Variants in LRBA observed in about 807,000 individuals in gnomAD.
The protein encoded by LRBA is lipopolysaccharide-responsive and beige-like anchor protein.
In LRBA, 176 loss-of-function variants were observed where a neutral mutation model predicts 330.0. That is an observed-to-expected ratio of 0.53 (90% CI 0.47 to 0.60). The LOEUF is 0.60. Ranked by LOEUF, LRBA falls within the 20% of genes least tolerant of loss-of-function variation. LRBA has a pLI of 0.00. For missense variants in LRBA, 3,259 were observed against 3,444.8 expected, an observed-to-expected ratio of 0.95 and a Z score of 1.35; for synonymous variants, 1,230 against 1,193.0, an observed-to-expected ratio of 1.03 and a Z score of -0.64.
At chr4:150,560,360 A>G (rs1001563270) in intron 40 of LRBA, among the ~76,000 whole-genome samples, 3 of 152,122 alleles carry the variant, frequency 2.0e-5, no homozygotes, top group African/African-American at 7.2e-5. Flanking sequence ...TAAATGTGAT[A>G]AGCATGTGAT....
chr4:150,458,244 GT>G (rs1754329875), intron 44 of LRBA, among the ~76,000 whole-genome samples: 1 of 151,806 alleles, frequency 6.6e-6, no homozygotes, highest in Middle Eastern at 3.2e-3. Context: ...GACTAATTCT[GT>G]TTTAAAAGCA....
intron 35 of LRBA, among the ~76,000 whole-genome samples, chr4:150,746,885 A>G (rs1732809071): frequency 6.6e-6 from 1 of 152,096 alleles, no homozygotes; most frequent in African/African-American, 2.4e-5. Context: ...CATGTCTTTG[A>G]TTATGATAAT....
chr4:150,394,061 T>A (rs766879469), intron 47 of LRBA, among the ~76,000 whole-genome samples: 5 of 152,226 alleles, frequency 3.3e-5, no homozygotes, highest in Non-Finnish European at 7.3e-5. Flanking sequence ...CATTATTTTA[T>A]GTTACCACAG....
At position 150,578,690 on chromosome 4, in the gene LRBA, A is replaced by G. The variant is rs187424685; in HGVS notation, c.6330+9358T>C. ...ACATCCTCATATTTTAGTTTATAGT[A>G]ACTAAAAACATGCCCACTTCAGTAC... is the stretch of plus-strand genomic sequence containing the variant. On this transcript the variant is annotated intron_variant, in intron 40 of 56. Coordinates refer to ENST00000651943, the MANE Select transcript of LRBA (RefSeq NM_001364905.1). Among the ~76,000 whole-genome samples the G allele has an allele frequency of 1.2e-3, 177 of 152,352 alleles. 3 individuals are homozygous for G. Among genetic ancestry groups the G allele is most frequent in the African/African-American group, 3.9e-3 (161 of 41,588 alleles).
chr4:150,306,640 A>G (rs1730393335), intron 52 of LRBA, among the ~76,000 whole-genome samples: 1 of 111,578 alleles, frequency 9.0e-6, no homozygotes, highest in Non-Finnish European at 1.9e-5. Flanking sequence ...ATACACACAA[A>G]CACACACATT....
intron 26 of LRBA, 91 bp from the exon 27 acceptor site, chr4:150,844,870 C>T (rs1749626496): frequency 4.8e-6 from 5 of 1,047,860 alleles, no homozygotes; most frequent in Non-Finnish European, 2.8e-6. Context: ...ATATGATTTA[C>T]ATAAGATTTT....
intron 2 of LRBA, among the ~76,000 whole-genome samples, chr4:150,963,328 G>A (rs1282997767): frequency 1.3e-5 from 2 of 149,480 alleles, no homozygotes; most frequent in South Asian, 4.1e-4. Context: ...TGGGATTGCA[G>A]GCATGCGCCA....
At chr4:150,871,585 C>T (rs1223740457) in intron 18 of LRBA, 132 bp from the exon 19 acceptor site, 1 of 566,816 alleles carries the variant, frequency 1.8e-6, no homozygotes, top group African/African-American at 1.8e-5. Context: ...ACTCTCCCAA[C>T]TATCTTCAAT....
At chr4:151,013,539 GTATAA>G (rs1313555986) in intron 2 of LRBA, 3 of 152,142 alleles carry the variant, frequency 2.0e-5, no homozygotes, top group Non-Finnish European at 2.9e-5. Context: ...AGGTAGAATT[GTATAA>G]TATATGAATT....
chr4:150,901,328 G>T (rs1730705593), intron 13 of LRBA, among the ~76,000 whole-genome samples: 1 of 151,926 alleles, frequency 6.6e-6, no homozygotes, highest in African/African-American at 2.4e-5. Flanking sequence ...TGAAATTATG[G>T]GTCTGAAACT....
intron 31 of LRBA, among the ~76,000 whole-genome samples, chr4:150,813,696 T>C (rs1744128648): frequency 6.6e-6 from 1 of 152,144 alleles, no homozygotes; most frequent in Non-Finnish European, 1.5e-5. Context: ...GTGTCTCATT[T>C]TGATATCAAA....
At chr4:150,328,259 A>G (rs1055657310) in intron 48 of LRBA, among the ~76,000 whole-genome samples, 4 of 152,218 alleles carry the variant, frequency 2.6e-5, no homozygotes, top group African/African-American at 9.6e-5. Flanking sequence ...CGTCAGACAC[A>G]TGGAATCCAA....
intron 37 of LRBA, among the ~76,000 whole-genome samples, chr4:150,645,070 A>C (rs1472748009): frequency 1.3e-5 from 2 of 151,442 alleles, no homozygotes; most frequent in African/African-American, 4.8e-5. Flanking sequence ...ATACAAGTGG[A>C]ATATACTAAC....
chr4:150,546,358 T>C (rs1031442788), intron 40 of LRBA, among the ~76,000 whole-genome samples: 1 of 152,216 alleles, frequency 6.6e-6, no homozygotes, highest in Non-Finnish European at 1.5e-5. Context: ...ATTTTGTGTA[T>C]AAAAATAAAA....
Position 151,006,983 on chromosome 4 carries a change from C to CTTCT in LRBA, c.216+7443_216+7444insAGAA, listed in dbSNP as rs1005179091. Among the ~76,000 whole-genome samples the CTTCT allele has an allele frequency of 2.7e-4, 41 of 152,216 alleles. 1 individual carries two copies. The highest frequency in any genetic ancestry group is 9.1e-4 in the African/African-American group (38 of 41,544). ...AATTCACATGGAAATGCAAAGGGCC[C>CTTCT]AGAATAGCCAAAACTGTCTTGAAAA... On this transcript the variant is annotated intron_variant, in intron 2 of 56. Coordinates refer to ENST00000651943, the MANE Select transcript of LRBA (RefSeq NM_001364905.1).
intron 40 of LRBA, among the ~76,000 whole-genome samples, chr4:150,547,644 C>G (rs1055259478): frequency 4.6e-5 from 7 of 152,028 alleles, no homozygotes; most frequent in African/African-American, 1.4e-4. Flanking sequence ...ATTATGGAAC[C>G]TTTAATTGGA....
intron 22 of LRBA, among the ~76,000 whole-genome samples, chr4:150,862,037 C>T (rs1308527164): frequency 1.3e-5 from 2 of 151,710 alleles, no homozygotes; most frequent in Non-Finnish European, 2.9e-5. Flanking sequence ...ACAACAGGTA[C>T]TGGAGAGGAT....
intron 31 of LRBA, among the ~76,000 whole-genome samples, chr4:150,814,674 A>T (rs1346800025): frequency 6.6e-6 from 1 of 151,940 alleles, no homozygotes; most frequent in Non-Finnish European, 1.5e-5. Flanking sequence ...AAAAGTTTAA[A>T]ATTCTAGCTC....
At chr4:150,643,818 G>A (rs1392725967) in intron 37 of LRBA, among the ~76,000 whole-genome samples, 1 of 151,970 alleles carries the variant, frequency 6.6e-6, no homozygotes, top group Non-Finnish European at 1.5e-5. Context: ...ATTTCATGAT[G>A]TGAAAATTAT....
Sources: gnomAD v4.1 joint callset for allele counts (sites outside exome capture counted in the v4.1 genomes callset) on GRCh38, gnomAD v4.1.1 for gene constraint, MANE v1.5 for transcripts, NCBI Gene and HGNC (gene_info 2026-07-23, HGNC 2026-07-21) for gene names.